Variants in RBM23 observed in about 807,000 individuals in gnomAD.
The protein encoded by RBM23 is RNA binding motif protein 23, also known as probable RNA-binding protein 23.
RBM23 carries 53 observed loss-of-function variants against 56.2 expected under a neutral mutation model. The ratio of observed to expected loss-of-function variants is 0.94; its 90% confidence interval spans 0.76 to 1.19. The LOEUF (loss-of-function observed/expected upper bound fraction) is 1.19. RBM23 is among the 50% of genes most tolerant of loss of function. RBM23 has a pLI of 0.00. For missense variants in RBM23, 642 were observed against 590.3 expected, an observed-to-expected ratio of 1.09 and a Z score of -0.91; for synonymous variants, 197 against 198.5, an observed-to-expected ratio of 0.99 and a Z score of 0.06.
intron 4 of RBM23, among the ~76,000 whole-genome samples, chr14:22,907,323 C>G (rs1354351028): frequency 1.3e-5 from 2 of 151,644 alleles, no homozygotes; most frequent in Non-Finnish European, 2.9e-5. Flanking sequence ...GCCTGGGCAA[C>G]AAAAGCGAAA....
chr14:22,904,755 G>T, intron 9 of RBM23, 120 bp downstream of exon 9: 2 of 1,417,906 alleles, frequency 1.4e-6, no homozygotes, highest in Non-Finnish European at 1.9e-6. Flanking sequence ...AGACTCATAT[G>T]CCCACTATGA....
At chr14:22,905,759 T>G (rs1275135192) in intron 5 of RBM23, 100 bp from the exon 6 acceptor site, 31 of 953,596 alleles carry the variant, frequency 3.3e-5, no homozygotes, top group Non-Finnish European at 5.0e-5. Context: ...TTCATCTCAT[T>G]GTTTTTTTAA....
chr14:22,907,191 A>G (rs1002622907), intron 4 of RBM23, among the ~76,000 whole-genome samples: 1 of 151,446 alleles, frequency 6.6e-6, no homozygotes, highest in African/African-American at 2.4e-5. Context: ...AAACCAAAAA[A>G]ATTAGCCAGG....
chr14:22,912,748 G>A (rs2042747444), intron 1 of RBM23, among the ~76,000 whole-genome samples: 1 of 151,944 alleles, frequency 6.6e-6, no homozygotes, highest in African/African-American at 2.4e-5. Flanking sequence ...CCAGCACTTT[G>A]GGAGGCCGAG....
intron 1 of RBM23, among the ~76,000 whole-genome samples, chr14:22,915,927 C>T (rs186455353): frequency 2.0e-5 from 3 of 152,332 alleles, no homozygotes; most frequent in Non-Finnish European, 4.4e-5. Context: ...TCATACATAG[C>T]TCAAGGGCCA....
chr14:22,908,085 A>G (rs1254753823), intron 4 of RBM23, among the ~76,000 whole-genome samples: 2 of 152,208 alleles, frequency 1.3e-5, no homozygotes, highest in African/African-American at 4.8e-5. Flanking sequence ...TAGTGCTGCA[A>G]TCTCGGCTCA....
rs1017337324 is a variant in RBM23, at chr14:22,894,930, C to T, written c.*6800G>A. 12 of 151,824 alleles carry T rather than the reference C, an allele frequency of 7.9e-5. No homozygotes were observed. Among genetic ancestry groups the T allele is most frequent in the African/African-American group, 2.9e-4 (12 of 41,336 alleles). The allele number at this position is 151,824 out of a possible 1,614,324, so 9.4% of individuals were successfully genotyped here. On this transcript the variant is annotated 3_prime_UTR_variant, in exon 14 of 14. Coordinates refer to ENST00000359890, the MANE Select transcript of RBM23 (RefSeq NM_001077351.2). ...TGGCAGGTGCCTGTAGTCCCAGCTA[C>T]TTGGGAGGCTGAGGCAGGAGAATGG...
At position 22,911,230 on chromosome 14, in the gene RBM23, G is replaced by A. The variant is rs549115513; in HGVS notation, c.66+98C>T. Reference sequence around the variant, plus strand: ...AGTTATTCTACATAATAAATAAGCAGGGAAAGAGGATTCATAAAATGTTGA... The same window carrying A: ...AGTTATTCTACATAATAAATAAGCAAGGAAAGAGGATTCATAAAATGTTGA... On this transcript the variant is annotated intron_variant, in intron 2 of 13. Coordinates refer to ENST00000359890, the MANE Select transcript of RBM23 (RefSeq NM_001077351.2). 6.9e-5 allele frequency: 66 copies of A among 954,624 alleles called. No homozygotes were observed. In the South Asian group the frequency reaches 8.5e-4, roughly 12 times the overall value. The allele number at this position is 954,624 out of a possible 1,614,324, so 59.1% of individuals were successfully genotyped here.
chr14:22,901,123 C>T lies in RBM23; in HGVS notation c.*607G>A, dbSNP rs1475347421. ...GGCAGGACAGATCACTCTGAGGCCTCCTGGCAGGATAGATCACTTCCATGC... is the reference window on the plus strand; with the variant it reads ...GGCAGGACAGATCACTCTGAGGCCTTCTGGCAGGATAGATCACTTCCATGC... On this transcript the variant is annotated 3_prime_UTR_variant, in exon 14 of 14. Transcript: ENST00000359890. The T allele has an allele frequency of 6.5e-6, 1 of 154,466 alleles. No homozygotes were observed. The highest frequency in any genetic ancestry group is 1.4e-5 in the Non-Finnish European group (1 of 69,540). The allele number at this position is 154,466 out of a possible 1,614,324, so 9.6% of individuals were successfully genotyped here. A position where few individuals can be genotyped will look rare whatever the true frequency, so the allele number is the denominator to read the frequency against.
At position 22,894,439 on chromosome 14, in the gene RBM23, C is replaced by G; in HGVS notation, c.*7291G>C. 6.6e-6 allele frequency: 1 copy of G among 152,180 alleles called. No individual in the cohort carries two copies. Among genetic ancestry groups the G allele is most frequent in the Non-Finnish European group, 1.5e-5 (1 of 68,038 alleles). 9.4% of individuals were successfully genotyped at this position (152,180 alleles called of 1,614,324 possible). On this transcript the variant is annotated 3_prime_UTR_variant, in exon 14 of 14. Transcript: ENST00000359890. ...GCTGATTTAAAATACTTACTCAGGT[C>G]GGGCAATTGGCTCACGCCTGTAATC...
In RBM23 at chr14:22,902,013, GAAC is replaced by G; in HGVS notation, c.1210_1212del (p.Val404del). 1 of 1,612,714 alleles carries G rather than the reference GAAC, an allele frequency of 6.2e-7. No homozygotes were observed. The highest frequency in any genetic ancestry group is 8.5e-7 in the Non-Finnish European group (1 of 1,179,106). On this transcript the variant is annotated inframe_deletion, in exon 12 of 14. Transcript: ENST00000359890. ...GCTGCTGGATTCAGGGCCCCCAAGGGAACTGCTCCATTCAGTTGCAAGGCAGCA... is the reference window on the plus strand; with the variant it reads ...GCTGCTGGATTCAGGGCCCCCAAGGGTGCTCCATTCAGTTGCAAGGCAGCA...
In RBM23 at chr14:22,901,740, A is replaced by G. The variant is rs773361727; in HGVS notation, c.1317-7T>C. ...TACTGTGCCACTGATTTACCTGTGG[A>G]AAGAAGAGGTAAATGGGAAGCCAAA... On this transcript the variant is annotated splice_region_variant and splice_polypyrimidine_tract_variant and intron_variant, in intron 13 of 13. Coordinates refer to ENST00000359890, the MANE Select transcript of RBM23 (RefSeq NM_001077351.2). The G allele has an allele frequency of 2.5e-6, 4 of 1,613,652 alleles. No homozygotes were observed. The South Asian group carries it at 3.3e-5, about 13-fold the overall frequency.
At chr14:22,917,957 G>A (rs1335773432) in intron 1 of RBM23, among the ~76,000 whole-genome samples, 1 of 152,178 alleles carries the variant, frequency 6.6e-6, no homozygotes, top group Non-Finnish European at 1.5e-5. Flanking sequence ...AGCCCCAGGG[G>A]TGATGGTAGC....
intron 4 of RBM23, 50 bp downstream of exon 4, chr14:22,908,283 G>A: frequency 1.3e-6 from 2 of 1,541,780 alleles, no homozygotes; most frequent in South Asian, 1.2e-5. Context: ...GGCTTCCAAA[G>A]TGCTAGGATT....
intron 2 of RBM23, among the ~76,000 whole-genome samples, chr14:22,910,236 C>T (rs561548510): frequency 7.7e-4 from 104 of 135,666 alleles, no homozygotes; most frequent in Admixed American, 5.5e-4. Context: ...CCAAGGCAGG[C>T]GGGTCACCTG....
intron 1 of RBM23, 100 bp from the exon 2 acceptor site, chr14:22,911,503 T>C: frequency 1.1e-6 from 1 of 947,672 alleles, no homozygotes; most frequent in Non-Finnish European, 1.6e-6. Flanking sequence ...GACTTCAGGA[T>C]ATACAGATTT....
chr14:22,912,301 C>T (rs1053935311), intron 1 of RBM23, among the ~76,000 whole-genome samples: 9 of 152,150 alleles, frequency 5.9e-5, no homozygotes, highest in Non-Finnish European at 8.8e-5. Context: ...TCTTCCTCTC[C>T]GCATACCCTG....
At chr14:22,915,883 T>G (rs908375465) in intron 1 of RBM23, among the ~76,000 whole-genome samples, 1 of 152,180 alleles carries the variant, frequency 6.6e-6, no homozygotes, top group Non-Finnish European at 1.5e-5. Context: ...ATACCCAAAT[T>G]TTTTAAAACT....
rs747222733 is a variant in RBM23 at position 22,905,670 on chromosome 14, G to A, written c.402-11C>T. On this transcript the variant is annotated splice_polypyrimidine_tract_variant and intron_variant, in intron 5 of 13. Transcript: ENST00000359890. The stretch of plus-strand genomic sequence containing the variant: ...TGTCCATACCTATAACTAAAGAATA[G>A]AGAAAAACAAAAGGTGAAACCTTAT... The A allele has an allele frequency of 8.8e-6, 14 of 1,595,226 alleles. No homozygotes were observed. The highest frequency in any genetic ancestry group is 1.1e-5 in the Non-Finnish European group (13 of 1,163,196).
Sources: gnomAD v4.1 joint callset for allele counts (sites outside exome capture counted in the v4.1 genomes callset) on GRCh38, gnomAD v4.1.1 for gene constraint, MANE v1.5 for transcripts, NCBI Gene and HGNC (gene_info 2026-07-23, HGNC 2026-07-21) for gene names.